The following RDX variants were observed in gnomAD, a reference collection of about 807,000 sequenced individuals.
RDX encodes the protein radixin.
RDX carries 32 observed loss-of-function variants against 83.7 expected under a neutral mutation model. The ratio of observed to expected loss-of-function variants is 0.38; its 90% CI spans 0.29 to 0.51. RDX has a LOEUF of 0.51. RDX is among the 20% of genes least tolerant of loss of function. The pLI is 0.87. For missense variants in RDX, 600 were observed against 689.9 expected (o/e 0.87, Z 1.46); for synonymous variants, 229 against 222.7 (o/e 1.03, Z -0.25).
chr11:110,272,966 T>A, intron 2 of RDX: 1 of 458,402 alleles, frequency 2.2e-6, no homozygotes, highest in Non-Finnish European at 4.4e-6. Context: ...GTGCCTCACA[T>A]CTTTAGTCCC....
chr11:110,293,029 T>C (rs1861307238), intron 1 of RDX, among the ~76,000 whole-genome samples: 2 of 152,220 alleles, frequency 1.3e-5, no homozygotes, highest in South Asian at 4.1e-4. Flanking sequence ...ATACACACAC[T>C]TGAGAATTAG....
downstream of RDX, among the ~76,000 whole-genome samples, chr11:110,226,172 G>C (rs1457092385): frequency 1.3e-5 from 2 of 151,686 alleles, no homozygotes; most frequent in Non-Finnish European, 2.9e-5. Context: ...TAAGATATTT[G>C]TACACCAATG....
downstream of RDX, among the ~76,000 whole-genome samples, chr11:110,225,569 T>A (rs554493102): frequency 4.6e-5 from 7 of 152,290 alleles, no homozygotes; most frequent in Admixed American, 4.6e-4. Context: ...CACAATGAGG[T>A]ACTGCTTCAC....
chr11:110,228,823 AAAATAT>A (rs1864516120), downstream of RDX, among the ~76,000 whole-genome samples: 1 of 151,960 alleles, frequency 6.6e-6, no homozygotes, highest in Non-Finnish European at 1.5e-5. Flanking sequence ...GACATAAAGC[AAAATAT>A]TATTTAAAAT....
chr11:110,202,344 G>A (rs926272747), intron 14 of RDX, among the ~76,000 whole-genome samples: 1 of 151,912 alleles, frequency 6.6e-6, no homozygotes, highest in Non-Finnish European at 1.5e-5. Context: ...AGTGAGCCAA[G>A]ATCATGCCAC....
At chr11:110,261,138 G>T (rs2134372781) in intron 5 of RDX, among the ~76,000 whole-genome samples, 1 of 152,168 alleles carries the variant, frequency 6.6e-6, no homozygotes, top group South Asian at 2.1e-4. Flanking sequence ...TTTCTAAAAG[G>T]TCTGCACCCA....
chr11:110,275,575 T>C (rs1405012152), intron 2 of RDX, among the ~76,000 whole-genome samples: 2 of 152,176 alleles, frequency 1.3e-5, no homozygotes, highest in Non-Finnish European at 2.9e-5. Flanking sequence ...TATTTTTCTA[T>C]TGGGTTGTTT....
rs1485023380 is a variant in RDX at position 110,279,684 on chromosome 11, T to C, written c.9A>G (p.Lys3=). Residue 3 remains lysine (K), a synonymous_variant, in exon 2 of 14, where the codon AAA becomes AAG. Transcript: ENST00000645495. The part of the protein sequence containing the change: MP[K]PINVRVTTMD... ...AAATGTAATAAAATACACTTACTGG[T>C]TTCGGCATTTTCTTTCTCTTTTTGT... 2.0e-6 allele frequency: 3 copies of C among 1,527,564 alleles called. No individual in the cohort carries two copies. In the East Asian group the frequency reaches 6.8e-5, roughly 34 times the overall value. The allele number at this position is 1,527,564 out of a possible 1,614,324, so 94.6% of individuals were successfully genotyped here.
At chr11:110,295,627 T>G (rs951885775) in intron 1 of RDX, among the ~76,000 whole-genome samples, 2 of 146,514 alleles carry the variant, frequency 1.4e-5, no homozygotes, top group South Asian at 4.2e-4. Flanking sequence ...GGAAGTGATG[T>G]AGTCTGTTTA....
At chr11:110,251,909 C>G (rs777013144) in intron 9 of RDX, among the ~76,000 whole-genome samples, 1 of 149,112 alleles carries the variant, frequency 6.7e-6, no homozygotes, top group Non-Finnish European at 1.5e-5. Context: ...TCTTTCCCAA[C>G]TACTGTTCTT....
intron 15 of RDX, among the ~76,000 whole-genome samples, chr11:110,194,249 CATAGGGTAACA>C (rs1389562229): frequency 6.6e-6 from 1 of 152,196 alleles, no homozygotes; most frequent in African/African-American, 2.4e-5. Flanking sequence ...TTGCCCCTGC[CATAGGGTAACA>C]ATAGGCTGGA....
intron 1 of RDX, among the ~76,000 whole-genome samples, chr11:110,280,671 G>A (rs976827826): frequency 1.6e-4 from 25 of 152,202 alleles, no homozygotes; most frequent in African/African-American, 3.1e-4. Context: ...CTAGCACAGC[G>A]GCTCACATCT....
At chr11:110,216,146 C>A (rs777047763) in intron 14 of RDX, among the ~76,000 whole-genome samples, 4 of 152,202 alleles carry the variant, frequency 2.6e-5, no homozygotes, top group Non-Finnish European at 1.5e-5. Context: ...CTCCTGTGAT[C>A]TGGCTGTTCC....
chr11:110,186,332 T>A (rs1250396379), intron 15 of RDX, among the ~76,000 whole-genome samples: 1 of 152,166 alleles, frequency 6.6e-6, no homozygotes, highest in African/African-American at 2.4e-5. Flanking sequence ...GCCAAGTATG[T>A]TCTGTTTCCT....
rs565288181 is a variant in RDX at position 110,281,963 on chromosome 11, A to C, written c.-64-2207T>G. Reference sequence around the variant, plus strand: ...CAAAAAAAAAAAAAAAAAAAACCAAACAAACAAAAAAAAAACGAGCCAGGC... The same window carrying C: ...CAAAAAAAAAAAAAAAAAAAACCAACCAAACAAAAAAAAAACGAGCCAGGC... On this transcript the variant is annotated intron_variant, in intron 1 of 13. Transcript: ENST00000645495. Among the ~76,000 whole-genome samples, 60 of 150,388 alleles carry C rather than the reference A, an allele frequency of 4.0e-4. 1 individual carries two copies. In the South Asian group the frequency reaches 5.0e-3, roughly 13 times the overall value.
chr11:110,273,055 T>C (rs1043702984), intron 2 of RDX: 1 of 456,224 alleles, frequency 2.2e-6, no homozygotes, highest in Admixed American at 2.3e-5. Context: ...AGCAAGACTA[T>C]GAAAAATTTA....
chr11:110,247,376 T>C (rs1859152656), intron 10 of RDX, among the ~76,000 whole-genome samples: 1 of 152,200 alleles, frequency 6.6e-6, no homozygotes, highest in Non-Finnish European at 1.5e-5. Context: ...AATGCCATAA[T>C]GTATTGCATA....
chr11:110,246,436 T>C (rs1363936155), intron 10 of RDX, among the ~76,000 whole-genome samples: 2 of 152,100 alleles, frequency 1.3e-5, no homozygotes, highest in Non-Finnish European at 2.9e-5. Context: ...AAATCTGAAA[T>C]GCTACAAAAT....
rs750514673 is a variant in RDX at position 110,236,138 on chromosome 11, C to T, written c.1305G>A (p.Lys435=). Residue 435 remains lysine, a synonymous_variant, in exon 12 of 14, where the codon AAG becomes AAA. Transcript: ENST00000645495. The stretch of plus-strand genomic sequence containing the variant: ...CAGTAGCTTCCTCTTCCTTTTTCTT[C>T]TTGGCTTCCTCTAGAAGTGCAATCT... ...TAKIALLEEA[K]KKKEEEATEW... 8 of 1,612,348 alleles carry T rather than the reference C, an allele frequency of 5.0e-6. No individual in the cohort carries two copies. The highest frequency in any genetic ancestry group is 6.8e-6 in the Non-Finnish European group (8 of 1,179,880).
Sources: gnomAD v4.1 joint callset for allele counts (sites outside exome capture counted in the v4.1 genomes callset) on GRCh38, gnomAD v4.1.1 for gene constraint, MANE v1.5 for transcripts, NCBI Gene and HGNC (gene_info 2026-07-23, HGNC 2026-07-21) for gene names.